The following TUSC3 variants were observed in gnomAD, a reference collection of about 807,000 sequenced individuals.
TUSC3 encodes the protein dolichyl-diphosphooligosaccharide--protein glycosyltransferase subunit TUSC3.
Under a neutral mutation model 44.8 loss-of-function variants are expected in TUSC3, and 45 were observed. That is an observed-to-expected ratio of 1.00 (90% CI 0.79 to 1.29). The LOEUF is 1.29. Ranked by LOEUF, TUSC3 falls within the 50% of genes most tolerant of loss-of-function variation. TUSC3 has a pLI of 0.00. For synonymous variants in TUSC3, 212 were observed against 152.9 expected, an observed-to-expected ratio of 1.39 and a Z score of -2.85; for missense variants, 519 against 437.9, an observed-to-expected ratio of 1.19 and a Z score of -1.65.
At chr8:15,584,417 C>T (rs62504231) in intron 1 of TUSC3, among the ~76,000 whole-genome samples, 27,970 of 152,026 alleles carry the variant, frequency 0.18, 2,605 homozygotes, top group South Asian at 0.26. Flanking sequence ...GGTCATTGAT[C>T]ATGCATTAAA....
chr8:15,485,468 T>TTTC (rs1364657354), intron 2 of TUSC3, among the ~76,000 whole-genome samples: 2 of 143,254 alleles, frequency 1.4e-5, no homozygotes, highest in South Asian at 2.3e-4. Flanking sequence ...TGTTGTCTTT[T>TTTC]TTTTTTTGTT....
intron 2 of TUSC3, among the ~76,000 whole-genome samples, chr8:15,507,675 C>G (rs1039778705): frequency 6.6e-6 from 1 of 151,746 alleles, no homozygotes; most frequent in East Asian, 1.9e-4. Flanking sequence ...ATACAAAATA[C>G]AAAAATATGT....
chr8:15,439,597 C>T (rs1477306652), intron 1 of TUSC3, among the ~76,000 whole-genome samples: 1 of 152,124 alleles, frequency 6.6e-6, no homozygotes, highest in African/African-American at 2.4e-5. Context: ...CATGAAAGGG[C>T]AAATGGAAGT....
chr8:15,445,727 A>G (rs1253242738), intron 1 of TUSC3, among the ~76,000 whole-genome samples: 2 of 152,254 alleles, frequency 1.3e-5, no homozygotes, highest in East Asian at 1.9e-4. Flanking sequence ...TTCTACACAG[A>G]CACAGTAACA....
At chr8:15,680,936 G>C (rs1167800236) in intron 6 of TUSC3, among the ~76,000 whole-genome samples, 1 of 152,062 alleles carries the variant, frequency 6.6e-6, no homozygotes, top group African/African-American at 2.4e-5. Context: ...AAACCTCCTT[G>C]ATTATAGTGA....
chr8:15,606,935 GTATGTGTA>G (rs1421394001), intron 1 of TUSC3, among the ~76,000 whole-genome samples: 1 of 151,714 alleles, frequency 6.6e-6, no homozygotes, highest in East Asian at 1.9e-4. Flanking sequence ...GTGTGTGTGT[GTATGTGTA>G]TATGTGTATA....
At chr8:15,846,536 G>A in the TUSC3 span, among the ~76,000 whole-genome samples, 2 of 152,232 alleles carry the variant, frequency 1.3e-5, no homozygotes, top group Middle Eastern at 3.4e-3. Flanking sequence ...CATAAAAAAG[G>A]ATGAGTTCAC....
At chr8:15,573,815 G>T (rs547642535) in intron 1 of TUSC3, among the ~76,000 whole-genome samples, 1 of 152,102 alleles carries the variant, frequency 6.6e-6, no homozygotes, top group South Asian at 2.1e-4. Flanking sequence ...TACTTTGGAA[G>T]AAAACTGTGC....
Position 15,524,354 on chromosome 8 carries a change from C to T in TUSC3, n.189+40871C>T, listed in dbSNP as rs148737211. Among the ~76,000 whole-genome samples, 6 of 152,034 alleles carry T rather than the reference C, an allele frequency of 3.9e-5. 1 individual carries two copies. The South Asian group carries it at 1.2e-3, about 32-fold the overall frequency. On this transcript the variant is annotated intron_variant and non_coding_transcript_variant, in intron 2 of 5. Coordinates refer to the TUSC3 transcript ENST00000503191. Reference sequence around the variant, plus strand: ...AATTCATAGACTTAATTTTCACTCACCATGTCTAATGGAAAGGAATTGTGA... The same window carrying T: ...AATTCATAGACTTAATTTTCACTCATCATGTCTAATGGAAAGGAATTGTGA...
chr8:15,513,977 CCTT>C (rs1375304017), intron 2 of TUSC3, among the ~76,000 whole-genome samples: 2 of 152,122 alleles, frequency 1.3e-5, no homozygotes, highest in African/African-American at 4.8e-5. Flanking sequence ...GCTCCCTTCC[CCTT>C]CTTCTTTACA....
At chr8:15,748,524 G>T in intron 9 of TUSC3, 59 bp downstream of exon 9, 1 of 1,373,780 alleles carries the variant, frequency 7.3e-7, no homozygotes, top group Non-Finnish European at 1.0e-6. Flanking sequence ...CAGAGTTTCA[G>T]TGGTTAATAT....
At chr8:15,615,036 T>C (rs748718787) in intron 1 of TUSC3, among the ~76,000 whole-genome samples, 15 of 151,548 alleles carry the variant, frequency 9.9e-5, no homozygotes, top group Non-Finnish European at 1.8e-4. Flanking sequence ...ACAGCCATTA[T>C]GGAAAACAGT....
chr8:15,710,922 T>C (rs971688307), intron 6 of TUSC3, among the ~76,000 whole-genome samples: 4 of 150,286 alleles, frequency 2.7e-5, no homozygotes, highest in Non-Finnish European at 3.0e-5. Context: ...AATCAAGAAG[T>C]GGAATTTTGC....
At chr8:15,493,321 C>T (rs1334460003) in intron 2 of TUSC3, among the ~76,000 whole-genome samples, 1 of 152,034 alleles carries the variant, frequency 6.6e-6, no homozygotes, top group African/African-American at 2.4e-5. Context: ...AGTGCAGTGG[C>T]TCAATCATAG....
rs375294890 is a variant in TUSC3 at position 15,698,724 on chromosome 8, T to G, written c.798+24888T>G. On this transcript the variant is annotated intron_variant, in intron 6 of 10. Coordinates refer to ENST00000503731, the MANE Select transcript of TUSC3 (RefSeq NM_006765.4). ...TGAAAATGAAATGTTTTTTACATATTTGACTTTGATACATCTTCATTATGC... is the reference window on the plus strand; with the variant it reads ...TGAAAATGAAATGTTTTTTACATATGTGACTTTGATACATCTTCATTATGC... Among the ~76,000 whole-genome samples, 12 of 152,332 alleles carry G rather than the reference T, an allele frequency of 7.9e-5. No individual in the cohort carries two copies. The East Asian group carries it at 1.7e-3, about 22-fold the overall frequency.
chr8:15,489,634 C>T (rs1037871888), intron 2 of TUSC3, among the ~76,000 whole-genome samples: 1 of 152,156 alleles, frequency 6.6e-6, no homozygotes, highest in African/African-American at 2.4e-5. Flanking sequence ...TGCTATACTA[C>T]AGTTACATTG....
At chr8:15,540,260 G>A (rs1024099127), upstream of TUSC3, 11 of 931,216 alleles carry the variant, frequency 1.2e-5, no homozygotes, top group Non-Finnish European at 1.6e-5. Flanking sequence ...CGGATGCTCT[G>A]TCAGTCTCCT....
At chr8:15,641,137 G>A (rs1344305379) in intron 2 of TUSC3, among the ~76,000 whole-genome samples, 1 of 151,660 alleles carries the variant, frequency 6.6e-6, no homozygotes, top group Non-Finnish European at 1.5e-5. Flanking sequence ...GAGGTGGGCA[G>A]ATCATTAGGT....
At chr8:15,457,652 A>G (rs865934395) in intron 1 of TUSC3, among the ~76,000 whole-genome samples, 22 of 150,298 alleles carry the variant, frequency 1.5e-4, no homozygotes, top group African/African-American at 4.8e-4. Context: ...AAGCCTATCC[A>G]TAGGAAAATT....
Sources: gnomAD v4.1 joint callset for allele counts (sites outside exome capture counted in the v4.1 genomes callset) on GRCh38, gnomAD v4.1.1 for gene constraint, MANE v1.5 for transcripts, NCBI Gene and HGNC (gene_info 2026-07-23, HGNC 2026-07-21) for gene names.